Variants in CDC14A observed in about 807,000 individuals in gnomAD.
CDC14A encodes the protein dual specificity protein phosphatase CDC14A.
CDC14A carries 53 observed loss-of-function variants against 74.4 expected under a neutral mutation model. That is an observed-to-expected ratio of 0.71 (90% confidence interval 0.57 to 0.89). The LOEUF is 0.89. Ranked by LOEUF, CDC14A falls within the 40% of genes least tolerant of loss-of-function variation. The pLI is 0.00. For synonymous variants in CDC14A, 247 were observed against 258.4 expected, an observed-to-expected ratio of 0.96 and a Z score of 0.43; for missense variants, 646 against 713.7, an observed-to-expected ratio of 0.91 and a Z score of 1.08.
intron 15 of CDC14A, among the ~76,000 whole-genome samples, chr1:100,513,183 G>A (rs973530739): frequency 5.3e-5 from 8 of 152,178 alleles, no homozygotes; most frequent in Non-Finnish European, 8.8e-5. Context: ...GGCTTAAAGA[G>A]ACATAGGAGT....
intron 7 of CDC14A, among the ~76,000 whole-genome samples, chr1:100,451,189 A>T (rs1205416077): frequency 6.6e-6 from 1 of 152,138 alleles, no homozygotes; most frequent in Non-Finnish European, 1.5e-5. Context: ...ACTCCAAATC[A>T]TCTTTGCGTC....
intron 4 of CDC14A, among the ~76,000 whole-genome samples, chr1:100,395,617 C>T (rs1391837528): frequency 1.3e-5 from 2 of 152,176 alleles, no homozygotes; most frequent in African/African-American, 2.4e-5. Flanking sequence ...TATATTCTTG[C>T]TTCCCATTAA....
intron 4 of CDC14A, among the ~76,000 whole-genome samples, chr1:100,395,982 A>G (rs1448854130): frequency 1.3e-5 from 2 of 152,180 alleles, no homozygotes; most frequent in East Asian, 1.9e-4. Flanking sequence ...CTCCACCCCT[A>G]GTCATCCTTT....
chr1:100,414,558 T>C (rs763771858), intron 4 of CDC14A, among the ~76,000 whole-genome samples: 3 of 152,106 alleles, frequency 2.0e-5, no homozygotes, highest in Non-Finnish European at 2.9e-5. Context: ...TTTTTTTTCA[T>C]TTTCTTTCTT....
At chr1:100,434,427 A>G (rs1387832808) in intron 5 of CDC14A, among the ~76,000 whole-genome samples, 1 of 152,210 alleles carries the variant, frequency 6.6e-6, no homozygotes, top group Middle Eastern at 3.2e-3. Flanking sequence ...CTTTCCCTTG[A>G]GAGCAATGGG....
chr1:100,381,960 A>G (rs1023262032), intron 3 of CDC14A, among the ~76,000 whole-genome samples: 2 of 152,164 alleles, frequency 1.3e-5, no homozygotes, highest in African/African-American at 4.8e-5. Flanking sequence ...AATGTCATCA[A>G]TGATTGATAG....
In CDC14A at chr1:100,507,527, T is replaced by C. The variant is rs557617801; in HGVS notation, c.1755+8265T>C. On this transcript the variant is annotated intron_variant, in intron 15 of 15. Transcript: ENST00000336454. ...GTTGCCCAGGTTGGTCTCGAATTCC[T>C]GGCCTCAAGTGATCCTCCTGCTTTG... Among the ~76,000 whole-genome samples, 104 of 152,244 alleles carry C rather than the reference T, an allele frequency of 6.8e-4. 2 individuals carry two copies. In the South Asian group the frequency reaches 0.022, roughly 32 times the overall value.
chr1:100,390,694 C>G, intron 3 of CDC14A, 38 bp from the exon 4 acceptor site: 1 of 1,325,292 alleles, frequency 7.5e-7, no homozygotes, highest in Non-Finnish European at 1.1e-6. Flanking sequence ...AACTTTGTCT[C>G]TATGGTTACA....
chr1:100,402,036 TAA>T (rs113266871), intron 4 of CDC14A, among the ~76,000 whole-genome samples: 1 of 139,868 alleles, frequency 7.1e-6, no homozygotes, highest in Admixed American at 7.2e-5. Flanking sequence ...AGAACTCCAT[TAA>T]AAAAAAAAAA....
intron 4 of CDC14A, among the ~76,000 whole-genome samples, chr1:100,401,760 C>T (rs537320202): frequency 2.0e-5 from 3 of 152,150 alleles, no homozygotes; most frequent in South Asian, 2.1e-4. Context: ...TTCATGGGGC[C>T]GGCCACGGTG....
intron 6 of CDC14A, among the ~76,000 whole-genome samples, chr1:100,441,269 G>A (rs1664894502): frequency 6.6e-6 from 1 of 152,158 alleles, no homozygotes; most frequent in Non-Finnish European, 1.5e-5. Flanking sequence ...AAATGTTGGG[G>A]TTAACTCAAA....
At chr1:100,394,257 A>G (rs1002563464) in intron 4 of CDC14A, among the ~76,000 whole-genome samples, 1 of 152,084 alleles carries the variant, frequency 6.6e-6, no homozygotes, top group Non-Finnish European at 1.5e-5. Context: ...GTGGGACTGC[A>G]GGTGTGTGCC....
At chr1:100,363,614 CT>C (rs35415515) in intron 2 of CDC14A, among the ~76,000 whole-genome samples, 2,251 of 141,696 alleles carry the variant, frequency 0.016, 46 homozygotes, top group African/African-American at 0.051. Flanking sequence ...TTAGACTTCT[CT>C]TTTTTTTTTT....
chr1:100,420,031 T>TACACACAC (rs368385925), intron 4 of CDC14A, among the ~76,000 whole-genome samples: 5 of 82,902 alleles, frequency 6.0e-5, no homozygotes, highest in East Asian at 3.5e-4. Context: ...TATACATATA[T>TACACACAC]ACACACACAC....
At chr1:100,371,299 G>C (rs1654437926) in intron 2 of CDC14A, among the ~76,000 whole-genome samples, 2 of 152,020 alleles carry the variant, frequency 1.3e-5, no homozygotes, top group Non-Finnish European at 2.9e-5. Context: ...TTTTTTCTTT[G>C]GTTGCTTGCT....
At chr1:100,418,432 A>G (rs897878486) in intron 4 of CDC14A, among the ~76,000 whole-genome samples, 1 of 152,176 alleles carries the variant, frequency 6.6e-6, no homozygotes, top group African/African-American at 2.4e-5. Context: ...ATGTTTAGGG[A>G]AGGGTGAGGA....
chr1:100,467,215 T>C (rs1471642134), intron 9 of CDC14A, among the ~76,000 whole-genome samples: 2 of 152,192 alleles, frequency 1.3e-5, no homozygotes, highest in Non-Finnish European at 2.9e-5. Context: ...GGAACTTACA[T>C]ACTACACGAC....
intron 1 of CDC14A, among the ~76,000 whole-genome samples, 159 bp from the exon 2 acceptor site, chr1:100,353,603 T>C (rs1651449089): frequency 6.6e-6 from 1 of 152,222 alleles, no homozygotes; most frequent in Non-Finnish European, 1.5e-5. Context: ...ACTGTTGTGC[T>C]CTTGAGTCTC....
intron 10 of CDC14A, among the ~76,000 whole-genome samples, chr1:100,482,135 A>G (rs1557809443): frequency 6.6e-6 from 1 of 152,146 alleles, no homozygotes. Flanking sequence ...TCACTTTGTA[A>G]TTTTCATCTT....
Sources: gnomAD v4.1 joint callset for allele counts (sites outside exome capture counted in the v4.1 genomes callset) on GRCh38, gnomAD v4.1.1 for gene constraint, MANE v1.5 for transcripts, NCBI Gene and HGNC (gene_info 2026-07-23, HGNC 2026-07-21) for gene names.